RAD54B: variants seen among roughly 807,000 people sequenced by gnomAD.
The protein encoded by RAD54B is RAD54 homolog B.
A neutral mutation model predicts 95.8 loss-of-function variants in RAD54B; 78 were observed. That is an observed-to-expected ratio of 0.81 (90% confidence interval 0.68 to 0.98). The LOEUF (loss-of-function observed/expected upper bound fraction) is 0.98, where lower values mean the gene tolerates loss of function less well. RAD54B is among the 50% of genes least tolerant of loss of function. The pLI is 0.00. For missense variants in RAD54B, 957 were observed against 1,056.6 expected (o/e 0.91, Z 1.31); for synonymous variants, 328 against 354.9 (o/e 0.92, Z 0.85).
At chr8:94,423,187 T>C (rs540867195) in intron 3 of RAD54B, among the ~76,000 whole-genome samples, 139 of 152,044 alleles carry the variant, frequency 9.1e-4, no homozygotes, top group Admixed American at 1.5e-3. Context: ...ATCAAGACCA[T>C]CCTGGCTAAC....
chr8:94,419,125 C>G (rs563689051), intron 3 of RAD54B, among the ~76,000 whole-genome samples: 7 of 152,048 alleles, frequency 4.6e-5, no homozygotes, highest in African/African-American at 1.7e-4. Context: ...GACATATTGC[C>G]AATATGTAGA....
chr8:94,457,215 G>A (rs993298712), intron 3 of RAD54B, among the ~76,000 whole-genome samples: 1 of 152,144 alleles, frequency 6.6e-6, no homozygotes, highest in Non-Finnish European at 1.5e-5. Flanking sequence ...CACCTAACAA[G>A]GATGGAAGCA....
chr8:94,378,565 T>C lies in RAD54B; in HGVS notation c.2314+3A>G, dbSNP rs767648288. 1.2e-6 allele frequency: 2 copies of C among 1,600,230 alleles called. No individual in the cohort carries two copies. Among genetic ancestry groups the C allele is most frequent in the East Asian group, 2.2e-5 (1 of 44,760 alleles). ...CATTTTTGTCACACTGAAGGGTTGTTACCTGTAGTTAGGAGTCTGTAAATA... is the reference window on the plus strand; with the variant it reads ...CATTTTTGTCACACTGAAGGGTTGTCACCTGTAGTTAGGAGTCTGTAAATA... On this transcript the variant is annotated splice_donor_region_variant and intron_variant, in intron 13 of 14. Transcript: ENST00000336148.
At chr8:94,436,998 G>A (rs1423171689) in intron 3 of RAD54B, 1 of 1,391,514 alleles carries the variant, frequency 7.2e-7, no homozygotes, top group Non-Finnish European at 9.3e-7. Context: ...CGCCTACAGG[G>A]GAGGGTTTAT....
Position 94,427,742 on chromosome 8 carries a change from G to A in RAD54B, c.305-16427C>T, listed in dbSNP as rs561386628. ...ACAAAGTAGTATCTTGTATTTAAAA[G>A]AACATGTGTTAACAAAGCATTTAAC... On this transcript the variant is annotated intron_variant, in intron 3 of 14. Coordinates refer to ENST00000336148, the MANE Select transcript of RAD54B (RefSeq NM_012415.3). 1.6e-5 allele frequency: 16 copies of A among 978,834 alleles called. No individual in the cohort carries two copies. In the East Asian group the frequency reaches 1.6e-3, roughly 98 times the overall value. 60.6% of individuals were successfully genotyped at this position (978,834 alleles called of 1,614,324 possible).
chr8:94,437,915 C>G (rs1039834381), intron 3 of RAD54B, among the ~76,000 whole-genome samples: 1 of 152,132 alleles, frequency 6.6e-6, no homozygotes, highest in Admixed American at 6.5e-5. Flanking sequence ...GTAAGCAAGA[C>G]AAACCTATTT....
intron 3 of RAD54B, among the ~76,000 whole-genome samples, chr8:94,418,901 C>A (rs747846982): frequency 1.3e-5 from 2 of 152,108 alleles, no homozygotes; most frequent in Non-Finnish European, 2.9e-5. Context: ...TCTGTGAATT[C>A]ATCTTTATCA....
chr8:94,419,269 G>A (rs1811744827), intron 3 of RAD54B, among the ~76,000 whole-genome samples: 1 of 152,080 alleles, frequency 6.6e-6, no homozygotes, highest in Non-Finnish European at 1.5e-5. Flanking sequence ...CACCACTTTC[G>A]GAGGCCAAGG....
rs201184182 is a variant in RAD54B at position 94,404,120 on chromosome 8, T to C, written c.901A>G (p.Lys301Glu). The change falls in exon 6 of 15, where the codon AAA (lysine) becomes GAA (glutamate). Residue 301 changes from lysine (K) to glutamate (E), a missense_variant. Lys to Glu is a moderately conservative substitution (Grantham distance 56, BLOSUM62 1). Transcript: ENST00000336148. ...TCATAAAGGAATATGATTCCTTCTT[T>C]CTGATGTGGTCGAAGATGATATACA... ...YLVYHLRPHQ[K>E]EGIIFLYECV... 159 of 1,610,420 alleles carry C rather than the reference T, an allele frequency of 9.9e-5. 1 individual carries two copies. In the South Asian group the frequency reaches 1.6e-3, roughly 16 times the overall value.
intron 1 of RAD54B, chr8:94,467,829 G>T (rs565598612): frequency 2.7e-4 from 70 of 256,246 alleles, no homozygotes; most frequent in African/African-American, 1.5e-3. Context: ...CAAAATGTTT[G>T]GTTCCCTCTA....
chr8:94,376,136 C>A (rs527552769), intron 14 of RAD54B, among the ~76,000 whole-genome samples: 2 of 152,016 alleles, frequency 1.3e-5, no homozygotes, highest in Non-Finnish European at 2.9e-5. Flanking sequence ...TTTCCATGCA[C>A]AAAACAAACA....
At chr8:94,468,711 C>T (rs1297463721) in intron 1 of RAD54B, among the ~76,000 whole-genome samples, 1 of 151,906 alleles carries the variant, frequency 6.6e-6, no homozygotes, top group Non-Finnish European at 1.5e-5. Context: ...CGCCTGTGGT[C>T]CCAGCTACTC....
chr8:94,454,229 TAG>T (rs1812731656), intron 3 of RAD54B, among the ~76,000 whole-genome samples: 1 of 151,568 alleles, frequency 6.6e-6, no homozygotes, highest in Admixed American at 6.6e-5. Context: ...GGTAAACCCA[TAG>T]AGACAGAAAG....
At chr8:94,380,555 C>T in intron 11 of RAD54B, 149 bp from the exon 12 acceptor site, 1 of 866,430 alleles carries the variant, frequency 1.2e-6, no homozygotes, top group Non-Finnish European at 1.7e-6. Context: ...GGTATTCCTG[C>T]ATATTCCATT....
chr8:94,401,754 C>T (rs1253345346), intron 6 of RAD54B, among the ~76,000 whole-genome samples: 1 of 151,928 alleles, frequency 6.6e-6, no homozygotes, highest in African/African-American at 2.4e-5. Flanking sequence ...AAAAAATTAC[C>T]AACATAAATT....
intron 6 of RAD54B, among the ~76,000 whole-genome samples, chr8:94,402,307 G>A (rs767679536): frequency 1.3e-5 from 2 of 150,338 alleles, no homozygotes; most frequent in Non-Finnish European, 3.0e-5. Flanking sequence ...AGGCTGGAGT[G>A]CAGTGGCGCT....
chr8:94,409,378 CTTTT>C lies in RAD54B; in HGVS notation c.500-1662_500-1659del, dbSNP rs910847332. Among the ~76,000 whole-genome samples, 5 of 144,216 alleles carry C rather than the reference CTTTT, an allele frequency of 3.5e-5. No individual in the cohort carries two copies. The South Asian group carries it at 8.8e-4, about 25-fold the overall frequency. 94.6% of individuals were successfully genotyped at this position (144,216 alleles called of 152,430 possible). On this transcript the variant is annotated intron_variant, in intron 4 of 14. Coordinates refer to ENST00000336148, the MANE Select transcript of RAD54B (RefSeq NM_012415.3). The stretch of plus-strand genomic sequence containing the variant: ...ATCGGCATTTCTTTTCTTTTTCTTT[CTTTT>C]TTTTTTTTAAGAGACAGGGTCTCTC...
rs1023217179 is a variant in RAD54B at position 94,432,417 on chromosome 8, G to A, written c.305-21102C>T. ...TCTCCTTGGAATAGAAGATGGAGAC[G>A]ATGTCATTCTCATATCAACAGAGGA... On this transcript the variant is annotated intron_variant, in intron 3 of 14. Coordinates refer to ENST00000336148, the MANE Select transcript of RAD54B (RefSeq NM_012415.3). 9 of 1,550,292 alleles carry A rather than the reference G, an allele frequency of 5.8e-6. 1 individual carries two copies. In the Admixed American group the frequency reaches 5.9e-5, roughly 10 times the overall value.
At chr8:94,396,152 G>C (rs1313946452) in intron 8 of RAD54B, among the ~76,000 whole-genome samples, 1 of 152,006 alleles carries the variant, frequency 6.6e-6, no homozygotes, top group Non-Finnish European at 1.5e-5. Context: ...CAATTGTATA[G>C]TATAGCATCA....
Sources: gnomAD v4.1 joint callset for allele counts (sites outside exome capture counted in the v4.1 genomes callset) on GRCh38, gnomAD v4.1.1 for gene constraint, MANE v1.5 for transcripts, NCBI Gene and HGNC (gene_info 2026-07-23, HGNC 2026-07-21) for gene names.